PPP4R3B: variants seen among roughly 807,000 people sequenced by gnomAD.
PPP4R3B encodes protein phosphatase 4 regulatory subunit 3B.
In PPP4R3B, 52 loss-of-function variants were observed where a neutral mutation model predicts 95.4. That is an observed-to-expected ratio of 0.54 (90% CI 0.44 to 0.69). The LOEUF (loss-of-function observed/expected upper bound fraction) is 0.69, where lower values mean the gene tolerates loss of function less well. Ranked by LOEUF, PPP4R3B falls within the 30% of genes least tolerant of loss-of-function variation. PPP4R3B has a pLI of 0.00. For synonymous variants in PPP4R3B, 407 were observed against 343.9 expected (o/e 1.18, Z -2.03); for missense variants, 1,003 against 1,005.9 (o/e 1.00, Z 0.04).
intron 3 of PPP4R3B, among the ~76,000 whole-genome samples, chr2:55,600,929 C>G (rs1692503374): frequency 6.6e-6 from 1 of 152,066 alleles, no homozygotes; most frequent in African/African-American, 2.4e-5. Context: ...GACGCTGAGG[C>G]AGGCAGATCA....
At chr2:55,551,403 G>A (rs942565166) in intron 16 of PPP4R3B, among the ~76,000 whole-genome samples, 2 of 151,910 alleles carry the variant, frequency 1.3e-5, no homozygotes, top group Non-Finnish European at 2.9e-5. Context: ...CTCTGCCTCA[G>A]TTTGTCTGTA....
intron 1 of PPP4R3B, among the ~76,000 whole-genome samples, chr2:55,615,811 T>A (rs1332969890): frequency 8.2e-6 from 1 of 122,540 alleles, no homozygotes; most frequent in African/African-American, 3.3e-5. Context: ...GTAGCCCAGA[T>A]CGCGCCATTG....
intron 2 of PPP4R3B, among the ~76,000 whole-genome samples, chr2:55,607,265 T>A (rs1468045380): frequency 6.6e-6 from 1 of 152,198 alleles, no homozygotes; most frequent in Non-Finnish European, 1.5e-5. Flanking sequence ...TGTTCTCCAA[T>A]TCACCTTCGA....
At chr2:55,564,619 C>A in intron 14 of PPP4R3B, 122 bp from the exon 15 acceptor site, 3 of 863,688 alleles carry the variant, frequency 3.5e-6, no homozygotes, top group Non-Finnish European at 5.1e-6. Flanking sequence ...TAATTTATAT[C>A]AAAATAATCT....
chr2:55,611,260 T>G (rs934516953), intron 2 of PPP4R3B, among the ~76,000 whole-genome samples: 1 of 151,898 alleles, frequency 6.6e-6, no homozygotes, highest in Non-Finnish European at 1.5e-5. Flanking sequence ...CTCCTGGCCT[T>G]AAGTGATCCT....
chr2:55,574,173 G>A (rs185207058), intron 11 of PPP4R3B, among the ~76,000 whole-genome samples: 114 of 151,760 alleles, frequency 7.5e-4, no homozygotes, highest in Non-Finnish European at 1.2e-3. Context: ...GATTACAAGT[G>A]TAAGCCCCTG....
At chr2:55,565,482 G>T (rs1468459622) in intron 13 of PPP4R3B, among the ~76,000 whole-genome samples, 3 of 152,050 alleles carry the variant, frequency 2.0e-5, no homozygotes, top group Non-Finnish European at 4.4e-5. Context: ...GCACACGGCT[G>T]GTTAGAGGGC....
At position 55,564,756 on chromosome 2, in the gene PPP4R3B, G is replaced by A. The variant is rs551943350; in HGVS notation, c.2075+146C>T. 45 of 878,882 alleles carry A rather than the reference G, an allele frequency of 5.1e-5. No individual in the cohort carries two copies. In the South Asian group the frequency reaches 7.2e-4, roughly 14 times the overall value. The allele number at this position is 878,882 out of a possible 1,614,324, so 54.4% of individuals were successfully genotyped here. ...TCAACATATAAATGATATGGGGTAG[G>A]GGGGACGCCTTACCCTCCTATTCAA... On this transcript the variant is annotated intron_variant, in intron 14 of 16. Transcript: ENST00000616407.
At chr2:55,559,462 C>A (rs1574680996) in intron 15 of PPP4R3B, among the ~76,000 whole-genome samples, 1 of 152,114 alleles carries the variant, frequency 6.6e-6, no homozygotes, top group African/African-American at 2.4e-5. Flanking sequence ...GCTCTGTGTC[C>A]CCACCCAAAT....
In PPP4R3B at chr2:55,598,844, C is replaced by T. The variant is rs532242571; in HGVS notation, c.493G>A (p.Ala165Thr). The stretch of plus-strand genomic sequence containing the variant: ...TTAATATAGCCTTCATTTTCCAAGG[C>T]GAGAGCCAGCTTTTCCCTACGGATA... ...SPIRREKLAL[A>T]LENEGYIKKL... Residue 165 changes from alanine (A) to threonine (T), a missense_variant, in exon 4 of 17, where the codon GCC becomes ACC. Physicochemically the swap from Ala to Thr is moderately conservative, Grantham distance 58. Coordinates refer to ENST00000616407, the MANE Select transcript of PPP4R3B (RefSeq NM_001122964.3). 1.2e-5 allele frequency: 19 copies of T among 1,614,154 alleles called. No homozygotes were observed. Among genetic ancestry groups the T allele is most frequent in the South Asian group, 2.2e-5 (2 of 91,078 alleles).
intron 4 of PPP4R3B, among the ~76,000 whole-genome samples, chr2:55,597,603 CCGAG>C (rs1397047362): frequency 2.0e-5 from 3 of 148,678 alleles, no homozygotes; most frequent in Non-Finnish European, 3.0e-5. Context: ...GCCTGGGCGA[CCGAG>C]CAAGACTCCG....
chr2:55,584,072 G>A (rs1243308422), intron 7 of PPP4R3B, among the ~76,000 whole-genome samples: 1 of 152,010 alleles, frequency 6.6e-6, no homozygotes, highest in Non-Finnish European at 1.5e-5. Flanking sequence ...AGGCGTGGTG[G>A]CGCACAGAGG....
At chr2:55,591,867 T>A (rs1255681932) in intron 4 of PPP4R3B, among the ~76,000 whole-genome samples, 1 of 152,200 alleles carries the variant, frequency 6.6e-6, no homozygotes, top group East Asian at 1.9e-4. Context: ...ATCAATAACT[T>A]AAAGCCTATC....
intron 11 of PPP4R3B, among the ~76,000 whole-genome samples, chr2:55,576,461 G>C (rs1290896299): frequency 2.0e-5 from 3 of 151,776 alleles, no homozygotes; most frequent in Non-Finnish European, 2.9e-5. Flanking sequence ...AACAAAAACA[G>C]GCCGGGCGCG....
At chr2:55,606,379 A>C (rs1287466805) in intron 2 of PPP4R3B, among the ~76,000 whole-genome samples, 1 of 152,138 alleles carries the variant, frequency 6.6e-6, no homozygotes. Context: ...AGTGGATATA[A>C]ATCCATATTT....
chr2:55,588,861 T>C lies in PPP4R3B; in HGVS notation c.999+18A>G, dbSNP rs6545508. On this transcript the variant is annotated intron_variant, in intron 5 of 16. Coordinates refer to ENST00000616407, the MANE Select transcript of PPP4R3B (RefSeq NM_001122964.3). ...AAAAGAATAAGTGCTCTTTAAGAGTTTGAATTTCATAACTTACCAATTCAC... is the reference window on the plus strand; with the variant it reads ...AAAAGAATAAGTGCTCTTTAAGAGTCTGAATTTCATAACTTACCAATTCAC... The C allele has an allele frequency of 0.12, 180,683 of 1,565,836 alleles. 14,192 individuals carry two copies. Among genetic ancestry groups the C allele is most frequent in the African/African-American group, 0.38 (28,148 of 73,620 alleles).
intron 5 of PPP4R3B, among the ~76,000 whole-genome samples, chr2:55,587,013 C>T (rs1356023991): frequency 6.6e-6 from 1 of 151,974 alleles, no homozygotes; most frequent in African/African-American, 2.4e-5. Context: ...TGCTTTTTTC[C>T]TTTTTTTTCC....
intron 12 of PPP4R3B, among the ~76,000 whole-genome samples, chr2:55,568,699 C>A (rs1435061826): frequency 6.6e-6 from 1 of 152,140 alleles, no homozygotes; most frequent in African/African-American, 2.4e-5. Flanking sequence ...TATGCAAAAT[C>A]CATAGACTGC....
chr2:55,617,115 C>G, intron 1 of PPP4R3B, 29 bp downstream of exon 1: 1 of 1,590,448 alleles, frequency 6.3e-7, no homozygotes, highest in Non-Finnish European at 8.6e-7. Flanking sequence ...GAGGCACTAT[C>G]CCCTATTCTA....
Sources: allele counts gnomAD v4.1 joint callset (sites outside exome capture counted in the v4.1 genomes callset), GRCh38; gene constraint gnomAD v4.1.1; transcripts MANE v1.5; gene names NCBI Gene and HGNC (gene_info 2026-07-23, HGNC 2026-07-21).